The following IPCEF1 variants were observed in gnomAD, a reference collection of about 807,000 sequenced individuals.
IPCEF1 encodes interactor protein for cytohesin exchange factors 1.
IPCEF1 carries 31 observed loss-of-function variants against 50.9 expected under a neutral mutation model. The ratio of observed to expected loss-of-function variants is 0.61; its 90% CI spans 0.46 to 0.82. IPCEF1 has a LOEUF of 0.82. Ranked by LOEUF, IPCEF1 falls within the 40% of genes least tolerant of loss-of-function variation. The pLI is 0.00. For missense variants in IPCEF1, 458 were observed against 514.0 expected, an observed-to-expected ratio of 0.89 and a Z score of 1.05; for synonymous variants, 181 against 192.0, an observed-to-expected ratio of 0.94 and a Z score of 0.47.
intron 10 of IPCEF1, among the ~76,000 whole-genome samples, chr6:154,169,848 G>A (rs1799734671): frequency 6.6e-6 from 1 of 152,232 alleles, no homozygotes; most frequent in African/African-American, 2.4e-5. Context: ...GGGCCAAGGA[G>A]ACTCAGTTCC....
chr6:154,207,126 C>T (rs1583797808), intron 9 of IPCEF1, among the ~76,000 whole-genome samples: 1 of 152,260 alleles, frequency 6.6e-6, no homozygotes, highest in East Asian at 1.9e-4. Flanking sequence ...CAGGTCAGGG[C>T]TGATGAGGGC....
intron 1 of IPCEF1, among the ~76,000 whole-genome samples, chr6:154,332,201 C>T (rs1783687749): frequency 6.6e-6 from 1 of 151,844 alleles, no homozygotes. Flanking sequence ...ACAAATGCAA[C>T]TGAAATATCA....
chr6:154,335,665 C>T (rs1158309136), intron 1 of IPCEF1, among the ~76,000 whole-genome samples: 1 of 151,920 alleles, frequency 6.6e-6, no homozygotes, highest in African/African-American at 2.4e-5. Context: ...GCAAGACCCT[C>T]ATCTCAAAAA....
chr6:154,344,680 C>A (rs1489010958), intron 1 of IPCEF1, among the ~76,000 whole-genome samples: 1 of 152,166 alleles, frequency 6.6e-6, no homozygotes, highest in Non-Finnish European at 1.5e-5. Context: ...AGCTCTGAGC[C>A]TGCATTTTCC....
At chr6:154,289,981 G>A (rs1022948978) in intron 1 of IPCEF1, among the ~76,000 whole-genome samples, 13 of 152,114 alleles carry the variant, frequency 8.5e-5, no homozygotes, top group Non-Finnish European at 1.8e-4. Context: ...ACCCAGGAAT[G>A]TCAGGCAATG....
At chr6:154,278,057 TTTG>T (rs1782109955) in intron 2 of IPCEF1, among the ~76,000 whole-genome samples, 1 of 152,174 alleles carries the variant, frequency 6.6e-6, no homozygotes, top group African/African-American at 2.4e-5. Flanking sequence ...AAAGGAAAAC[TTTG>T]TTATCACAAA....
At chr6:154,326,290 C>T (rs1783517834) in intron 1 of IPCEF1, among the ~76,000 whole-genome samples, 1 of 151,742 alleles carries the variant, frequency 6.6e-6, no homozygotes, top group Non-Finnish European at 1.5e-5. Flanking sequence ...CACATTTTGG[C>T]AGATGACATA....
At chr6:154,226,033 T>C (rs1189587392) in intron 5 of IPCEF1, among the ~76,000 whole-genome samples, 1 of 152,202 alleles carries the variant, frequency 6.6e-6, no homozygotes, top group African/African-American at 2.4e-5. Flanking sequence ...TTACTGCTGC[T>C]CCCCTTTTTC....
intron 1 of IPCEF1, among the ~76,000 whole-genome samples, chr6:154,349,268 T>C (rs1223175616): frequency 6.6e-6 from 1 of 151,834 alleles, no homozygotes; most frequent in Non-Finnish European, 1.5e-5. Flanking sequence ...CATTGCCTAC[T>C]GCAACCTCAA....
At chr6:154,325,803 T>A (rs1783504284) in intron 1 of IPCEF1, among the ~76,000 whole-genome samples, 1 of 152,200 alleles carries the variant, frequency 6.6e-6, no homozygotes, top group Non-Finnish European at 1.5e-5. Context: ...ATAAAATCAC[T>A]ACTCTAGAAA....
chr6:154,249,493 C>A (rs1781284136), intron 3 of IPCEF1, among the ~76,000 whole-genome samples: 1 of 152,044 alleles, frequency 6.6e-6, no homozygotes, highest in Admixed American at 6.6e-5. Context: ...AAACCAAGAA[C>A]CAGGGGAATA....
intron 10 of IPCEF1, among the ~76,000 whole-genome samples, chr6:154,171,271 T>C (rs1799848355): frequency 6.6e-6 from 1 of 152,204 alleles, no homozygotes; most frequent in Non-Finnish European, 1.5e-5. Context: ...TGTGACAGAA[T>C]AGTATTCAAT....
chr6:154,202,249 T>C (rs1777129685), intron 9 of IPCEF1, among the ~76,000 whole-genome samples: 1 of 151,998 alleles, frequency 6.6e-6, no homozygotes, highest in Non-Finnish European at 1.5e-5. Flanking sequence ...GGCACGTACA[T>C]AAAAAAAATC....
intron 1 of IPCEF1, among the ~76,000 whole-genome samples, chr6:154,336,985 G>A (rs1315396955): frequency 6.6e-6 from 1 of 152,160 alleles, no homozygotes; most frequent in Non-Finnish European, 1.5e-5. Flanking sequence ...CAAAATAGCT[G>A]TAAGAGAGGA....
At chr6:154,195,361 A>C (rs565535170) in intron 10 of IPCEF1, among the ~76,000 whole-genome samples, 1 of 151,826 alleles carries the variant, frequency 6.6e-6, no homozygotes, top group African/African-American at 2.4e-5. Flanking sequence ...GTTAGCCAGG[A>C]TGGTCTCGAT....
intron 9 of IPCEF1, among the ~76,000 whole-genome samples, chr6:154,209,322 G>T (rs564550351): frequency 2.0e-5 from 3 of 152,224 alleles, no homozygotes; most frequent in Admixed American, 6.5e-5. Context: ...AGCCTATACT[G>T]TATTGGGCCA....
At position 154,246,727 on chromosome 6, in the gene IPCEF1, C is replaced by T; in HGVS notation, c.110G>A (p.Cys37Tyr). Residue 37 changes from cysteine to tyrosine, a missense_variant, in exon 5 of 12, where the codon TGT becomes TAT. Physicochemically the swap from Cys to Tyr is radical, Grantham distance 194. Transcript: ENST00000367220. Reference protein sequence around the residue: ...FLTMSRRRISCKDLGHADCQG... With the variant: ...FLTMSRRRISYKDLGHADCQG... ...GCAGTCAGCATGGCCCAGATCTTTA[C>T]ACGATATCCTCCTCCGACTCATCGT... 6.2e-7 allele frequency: 1 copy of T among 1,614,056 alleles called. No individual in the cohort carries two copies. Among genetic ancestry groups the T allele is most frequent in the Non-Finnish European group, 8.5e-7 (1 of 1,179,954 alleles).
chr6:154,229,555 G>T, intron 5 of IPCEF1, among the ~76,000 whole-genome samples: 1 of 151,334 alleles, frequency 6.6e-6, no homozygotes, highest in East Asian at 1.9e-4. Flanking sequence ...GATGGGGTTC[G>T]CCGTGTTAGC....
At chr6:154,247,681 CTG>C in intron 3 of IPCEF1, 193 bp from the exon 4 acceptor site, 1 of 474,814 alleles carries the variant, frequency 2.1e-6, no homozygotes, top group Non-Finnish European at 3.8e-6. Context: ...ATACATTGAG[CTG>C]AACCTGAAAA....
Sources: gnomAD v4.1 joint callset for allele counts (sites outside exome capture counted in the v4.1 genomes callset) on GRCh38, gnomAD v4.1.1 for gene constraint, MANE v1.5 for transcripts, NCBI Gene and HGNC (gene_info 2026-07-23, HGNC 2026-07-21) for gene names.